The following UBR4 variants were observed in gnomAD, a reference collection of about 807,000 sequenced individuals.
The protein encoded by UBR4 is ubiquitin protein ligase E3 component n-recognin 4.
UBR4 carries 124 observed loss-of-function variants against 575.6 expected under a neutral mutation model. The observed-to-expected ratio is 0.22, with a 90% confidence interval of 0.19 to 0.25. The LOEUF is 0.25. Among genes scored for constraint, UBR4 ranks in the 10% least tolerant of loss-of-function variants. UBR4 has a pLI of 1.00. For missense variants in UBR4, 4,818 were observed against 6,478.8 expected, an observed-to-expected ratio of 0.74 and a Z score of 8.80; for synonymous variants, 2,455 against 2,473.7, an observed-to-expected ratio of 0.99 and a Z score of 0.22.
Position 19,117,783 on chromosome 1 carries a change from C to G in UBR4, c.10629+40G>C. The G allele has an allele frequency of 6.4e-7, 1 of 1,563,734 alleles. No homozygotes were observed. The highest frequency in any genetic ancestry group is 8.8e-7 in the Non-Finnish European group (1 of 1,134,694). Reference sequence around the variant, plus strand: ...TCTGGAAACAAGAATCCCACTGGACCTATTGGCCTCAGGACTGTCCATGTA... The same window carrying G: ...TCTGGAAACAAGAATCCCACTGGACGTATTGGCCTCAGGACTGTCCATGTA... On this transcript the variant is annotated intron_variant, in intron 72 of 105. Coordinates refer to ENST00000375254, the MANE Select transcript of UBR4 (RefSeq NM_020765.3). This position sits in a 1 kb window ranked among gnomAD's most constrained non-coding sequence, Gnocchi z 4.0.
chr1:19,177,430 G>A (rs534800129), intron 19 of UBR4, 31 bp downstream of exon 19: 2 of 1,603,254 alleles, frequency 1.2e-6, no homozygotes, highest in African/African-American at 2.7e-5. Flanking sequence ...CTCAGTAATG[G>A]TGAAGCAAAA....
rs1284823840 is a variant in UBR4, at chr1:19,176,674, G to C, written c.2691C>G (p.Asp897Glu). 1.4e-5 allele frequency: 22 copies of C among 1,614,084 alleles called. No individual in the cohort carries two copies. Among genetic ancestry groups the C allele is most frequent in the Non-Finnish European group, 1.9e-5 (22 of 1,180,004 alleles). Residue 897 changes from aspartate to glutamate, a missense_variant, in exon 20 of 106, where the codon GAC (aspartate) becomes GAG (glutamate). By Grantham distance (45) the Asp-to-Glu change is conservative (BLOSUM62 2). Around this residue, in one of 29 missense-constraint regions of UBR4, gnomAD observed 1,172 missense variants for 1,259.7 expected, o/e 0.93. Transcript: ENST00000375254. ...GAGTGGTTGCCCGGCGGCTGTTGCT[G>C]TCCTGGGATCCACTTGCCCACCCAA... is the stretch of plus-strand genomic sequence containing the variant. ...PPFGWASGSQ[D>E]SNSRRATTPL...
intron 11 of UBR4, among the ~76,000 whole-genome samples, chr1:19,188,801 C>T (rs1377014079): frequency 6.6e-6 from 1 of 152,016 alleles, no homozygotes; most frequent in Non-Finnish European, 1.5e-5. Context: ...GATCCCATCT[C>T]TGCAAAAAAT....
chr1:19,126,478 T>C lies in UBR4; in HGVS notation c.9406A>G (p.Met3136Val). The C allele has an allele frequency of 1.9e-6, 3 of 1,614,118 alleles. No homozygotes were observed. The highest frequency in any genetic ancestry group is 2.5e-6 in the Non-Finnish European group (3 of 1,180,000). ...TACTGGCGGAGAAAGAATGGGCTCA[T>C]GTCAGGTGGGGAGGAGGTAGTATGT... The part of the protein sequence containing the change: ...KPHTTSSPPD[M>V]SPFFLRQYVK... The change falls in exon 64 of 106, where the codon ATG (methionine) becomes GTG (valine). Residue 3136 changes from methionine to valine, a missense_variant. Physicochemically the swap from Met to Val is conservative, Grantham distance 21. Around this residue, in one of 29 missense-constraint regions of UBR4, gnomAD observed 550 missense variants for 791.5 expected, o/e 0.69. Coordinates refer to ENST00000375254, the MANE Select transcript of UBR4 (RefSeq NM_020765.3).
In UBR4 at chr1:19,124,547, G is replaced by C. The variant is rs755780822; in HGVS notation, c.9582C>G (p.Leu3194=). The C allele has an allele frequency of 3.1e-6, 5 of 1,614,060 alleles. No individual in the cohort carries two copies. In the African/African-American group the frequency reaches 5.3e-5, roughly 17 times the overall value. ...GCTTGGGACTTTCACTTACCTCGGA[G>C]AGAAAGTAAAACCACGAGTGGTCAA... The part of the protein sequence containing the change: ...PVFDHSWFYF[L]SEYLMIQQTP... The change falls in exon 65 of 106, where the codon CTC becomes CTG. Residue 3194 remains leucine, a synonymous_variant. Coordinates refer to ENST00000375254, the MANE Select transcript of UBR4 (RefSeq NM_020765.3).
At chr1:19,163,409 C>T (rs909044759) in intron 34 of UBR4, among the ~76,000 whole-genome samples, 3 of 152,214 alleles carry the variant, frequency 2.0e-5, no homozygotes, top group Admixed American at 1.3e-4. Context: ...GCTGAGGAGG[C>T]TGTATTTGGC....
chr1:19,179,124 G>T lies in UBR4; in HGVS notation c.2281C>A (p.Leu761Met). 1 of 1,614,008 alleles carries T rather than the reference G, an allele frequency of 6.2e-7. No homozygotes were observed. The highest frequency in any genetic ancestry group is 8.5e-7 in the Non-Finnish European group (1 of 1,179,968). ...PQSLSVLSRL[L>M]LIWQHKASAQ... ...CTGGCTTTATGTTGCCAGATGAGCAGGAGGCGTGAAAGCACAGAGAGGCTT... is the reference window on the plus strand; with the variant it reads ...CTGGCTTTATGTTGCCAGATGAGCATGAGGCGTGAAAGCACAGAGAGGCTT... Residue 761 changes from leucine (L) to methionine (M), a missense_variant, in exon 18 of 106, where the codon CTG (leucine) becomes ATG (methionine). Transcript: ENST00000375254.
At chr1:19,160,756 C>T (rs1346609240) in intron 38 of UBR4, among the ~76,000 whole-genome samples, 161 bp downstream of exon 38, 1 of 152,164 alleles carries the variant, frequency 6.6e-6, no homozygotes, top group Admixed American at 6.5e-5. Context: ...GTCATAAATC[C>T]TTCCCTCGTG....
In UBR4 at chr1:19,076,800, T is replaced by C. The variant is rs1223028612; in HGVS notation, c.15427A>G (p.Lys5143Glu). ...PIYEAADKAL[K>E]TFQEEFMPVE... ...GGCATGAACTCCTCCTGGAAGGTTT[T>C]CAGGGCTTTGTCGGCAGCTTCGTAG... Residue 5143 changes from lysine to glutamate, a missense_variant, in exon 105 of 106, where the codon AAA (lysine) becomes GAA (glutamate). By Grantham distance (56) the Lys-to-Glu change is moderately conservative. Coordinates refer to ENST00000375254, the MANE Select transcript of UBR4 (RefSeq NM_020765.3). 6.2e-7 allele frequency: 1 copy of C among 1,614,022 alleles called. No individual in the cohort carries two copies. The highest frequency in any genetic ancestry group is 8.5e-7 in the Non-Finnish European group (1 of 1,179,970).
chr1:19,202,775 T>C (rs2092805607), intron 1 of UBR4, among the ~76,000 whole-genome samples: 1 of 152,114 alleles, frequency 6.6e-6, no homozygotes, highest in African/African-American at 2.4e-5. Flanking sequence ...TAATCCACAA[T>C]TGATGAAACA....
rs551485864 is a variant in UBR4, at chr1:19,199,855, C to T, written c.275-101G>A. The T allele has an allele frequency of 1.3e-4, 143 of 1,115,834 alleles. No individual in the cohort carries two copies. The African/African-American group carries it at 1.4e-3, about 11-fold the overall frequency. 69.1% of individuals were successfully genotyped at this position (1,115,834 alleles called of 1,614,324 possible). A position where few individuals can be genotyped will look rare whatever the true frequency, so the allele number is the denominator to read the frequency against. ...GCTCTATGTCCAACATTCCCAATAT[C>T]GTAACAATTATTCAGAGCCAAAAAC... is the stretch of plus-strand genomic sequence containing the variant. On this transcript the variant is annotated intron_variant, in intron 2 of 105. Coordinates refer to ENST00000375254, the MANE Select transcript of UBR4 (RefSeq NM_020765.3).
intron 8 of UBR4, among the ~76,000 whole-genome samples, chr1:19,196,323 A>T: frequency 6.6e-6 from 1 of 152,198 alleles, no homozygotes; most frequent in East Asian, 1.9e-4. Context: ...TGTTCAAATT[A>T]AAACTGTTCA....
At chr1:19,165,882 G>A in intron 29 of UBR4, 125 bp from the exon 30 acceptor site, 1 of 770,488 alleles carries the variant, frequency 1.3e-6, no homozygotes, top group Non-Finnish European at 2.0e-6. Context: ...ATTTTGTTTT[G>A]GCAAAGCTTA....
intron 90 of UBR4, among the ~76,000 whole-genome samples, chr1:19,098,855 G>A (rs1277475623): frequency 6.6e-6 from 1 of 152,158 alleles, no homozygotes; most frequent in Non-Finnish European, 1.5e-5. Context: ...CTAGTTTGCT[G>A]TAATTAAGTT....
chr1:19,105,957 T>A, intron 83 of UBR4, 115 bp from the exon 84 acceptor site: 1 of 631,830 alleles, frequency 1.6e-6, no homozygotes, highest in Non-Finnish European at 2.6e-6. Flanking sequence ...GGCACCTCTC[T>A]AGGAAAATGT....
At chr1:19,115,701 A>G in intron 73 of UBR4, 64 bp from the exon 74 acceptor site, 1 of 1,585,578 alleles carries the variant, frequency 6.3e-7, no homozygotes, top group Non-Finnish European at 8.6e-7. Flanking sequence ...GTCTGATGAG[A>G]CAAAGAGGAA....
chr1:19,192,343 G>A lies in UBR4; in HGVS notation c.1239C>T (p.Cys413=), dbSNP rs886394293. 1 of 1,614,040 alleles carries A rather than the reference G, an allele frequency of 6.2e-7. No individual in the cohort carries two copies. The highest frequency in any genetic ancestry group is 1.7e-5 in the Admixed American group (1 of 60,002). Residue 413 remains cysteine (C), a synonymous_variant, in exon 11 of 106, where the codon TGC becomes TGT. Transcript: ENST00000375254. The part of the protein sequence containing the change: ...YQNFQLLGAW[C]LLNSLFLILN... ...GTATGAGGAAAAGGCTGTTTAACAA[G>A]CACCAAGCACCCAGCAATTGGAAAT... is the stretch of plus-strand genomic sequence containing the variant.
At chr1:19,101,011 C>G (rs1026406592) in intron 88 of UBR4, among the ~76,000 whole-genome samples, 1 of 152,028 alleles carries the variant, frequency 6.6e-6, no homozygotes, top group Non-Finnish European at 1.5e-5. Context: ...GTACACACCC[C>G]CAATGAGCTC....
intron 81 of UBR4, 139 bp downstream of exon 81, chr1:19,109,957 G>A: frequency 7.8e-7 from 1 of 1,287,582 alleles, no homozygotes; most frequent in Non-Finnish European, 1.1e-6. Context: ...CTGAACTAAG[G>A]CAAAGGCTGC....
Sources: allele counts gnomAD v4.1 joint callset (sites outside exome capture counted in the v4.1 genomes callset), GRCh38; gene constraint gnomAD v4.1.1; regional missense constraint gnomAD v4.1.1; non-coding constraint Gnocchi (gnomAD v3.1); transcripts MANE v1.5; gene names NCBI Gene and HGNC (gene_info 2026-07-23, HGNC 2026-07-21).